Variants in SLC4A4 observed in about 807,000 individuals in gnomAD.
SLC4A4 encodes the protein electrogenic sodium bicarbonate cotransporter 1.
In SLC4A4, 27 loss-of-function variants were observed where a neutral mutation model predicts 111.5. The ratio of observed to expected loss-of-function variants is 0.24; its 90% CI spans 0.18 to 0.33. SLC4A4 has a LOEUF of 0.33. Among genes scored for constraint, SLC4A4 ranks in the 10% least tolerant of loss-of-function variants. The probability of loss-of-function intolerance (pLI) is 1.00; values close to 1 mark genes in which losing one functional copy is unlikely to be tolerated. For synonymous variants in SLC4A4, 443 were observed against 463.4 expected, an observed-to-expected ratio of 0.96 and a Z score of 0.57; for missense variants, 909 against 1,315.5, an observed-to-expected ratio of 0.69 and a Z score of 4.78.
At chr4:71,533,820 C>T (rs933823161) in intron 17 of SLC4A4, among the ~76,000 whole-genome samples, 5 of 152,016 alleles carry the variant, frequency 3.3e-5, no homozygotes, top group African/African-American at 9.7e-5. Context: ...TTCTTGCTAC[C>T]TTTTTACTGA....
At chr4:71,324,827 C>G (rs993540627) in intron 3 of SLC4A4, among the ~76,000 whole-genome samples, 1 of 151,914 alleles carries the variant, frequency 6.6e-6, no homozygotes, top group Non-Finnish European at 1.5e-5. Flanking sequence ...TGAGTAAACT[C>G]TAGTTTTTAT....
chr4:71,178,737 A>G (rs1745181396), intron 2 of SLC4A4, among the ~76,000 whole-genome samples: 1 of 152,220 alleles, frequency 6.6e-6, no homozygotes, highest in South Asian at 2.1e-4. Context: ...AAAAAAGTCC[A>G]GGACCAGATG....
chr4:71,364,213 G>A (rs181300460), intron 6 of SLC4A4, among the ~76,000 whole-genome samples: 239 of 152,196 alleles, frequency 1.6e-3, no homozygotes, highest in Middle Eastern at 6.8e-3. Context: ...ATTTCCAGAG[G>A]TTTCATTCAA....
At chr4:71,096,864 A>G (rs1399030417) in intron 2 of SLC4A4, among the ~76,000 whole-genome samples, 8 of 152,192 alleles carry the variant, frequency 5.3e-5, no homozygotes, top group Non-Finnish European at 7.3e-5. Flanking sequence ...ATAAATTGCA[A>G]TGGAAATCAT....
chr4:71,493,788 CA>C (rs34932007), intron 15 of SLC4A4, among the ~76,000 whole-genome samples: 15,133 of 151,776 alleles, frequency 0.1, 1,407 homozygotes, highest in East Asian at 0.43. Context: ...ATAAACACCT[CA>C]AAAGTTTTTG....
At chr4:71,496,550 A>G (rs1279730688) in intron 15 of SLC4A4, among the ~76,000 whole-genome samples, 3 of 152,016 alleles carry the variant, frequency 2.0e-5, no homozygotes, top group African/African-American at 4.8e-5. Flanking sequence ...AGGGCACTAC[A>G]TTGCAGGTGA....
At chr4:71,175,269 C>T (rs141722111) in intron 2 of SLC4A4, among the ~76,000 whole-genome samples, 37 of 152,316 alleles carry the variant, frequency 2.4e-4, no homozygotes, top group Middle Eastern at 3.4e-3. Context: ...GCATGAGTGA[C>T]GCAGAAGACG....
chr4:71,206,186 T>C (rs979744270), intron 1 of SLC4A4, among the ~76,000 whole-genome samples: 8 of 152,188 alleles, frequency 5.3e-5, no homozygotes, highest in Non-Finnish European at 1.5e-5. Context: ...AAGATCATGA[T>C]TATAACTCAT....
intron 1 of SLC4A4, among the ~76,000 whole-genome samples, chr4:71,063,409 C>A (rs745445609): frequency 6.6e-6 from 1 of 152,026 alleles, no homozygotes; most frequent in African/African-American, 2.4e-5. Flanking sequence ...TTCTAGCTTC[C>A]TTCACTAACT....
At chr4:71,110,320 T>A (rs1743052743) in intron 2 of SLC4A4, among the ~76,000 whole-genome samples, 2 of 152,232 alleles carry the variant, frequency 1.3e-5, no homozygotes, top group Admixed American at 6.5e-5. Flanking sequence ...GCTCAAGAGA[T>A]CTTCCCACCT....
intron 18 of SLC4A4, among the ~76,000 whole-genome samples, chr4:71,536,822 G>T (rs1477804147): frequency 6.6e-6 from 1 of 151,422 alleles, no homozygotes; most frequent in Non-Finnish European, 1.5e-5. Flanking sequence ...TGTCTTCTGT[G>T]CTTCCTTTAA....
intron 14 of SLC4A4, among the ~76,000 whole-genome samples, chr4:71,483,362 C>G (rs1013545180): frequency 2.0e-5 from 3 of 151,850 alleles, no homozygotes; most frequent in African/African-American, 7.3e-5. Flanking sequence ...GTGTGTTGTT[C>G]TCCTTTATGT....
intron 4 of SLC4A4, among the ~76,000 whole-genome samples, chr4:71,347,570 G>A (rs1167908591): frequency 2.0e-5 from 3 of 152,046 alleles, no homozygotes; most frequent in Admixed American, 6.6e-5. Context: ...CTCCCAAAGG[G>A]CCCATCTCCT....
chr4:71,079,601 C>A (rs1040579723), intron 1 of SLC4A4, among the ~76,000 whole-genome samples: 1 of 151,950 alleles, frequency 6.6e-6, no homozygotes, highest in East Asian at 1.9e-4. Flanking sequence ...CATAGCAAGA[C>A]CCTATCTCTC....
Position 71,440,773 on chromosome 4 carries a change from G to A in SLC4A4, c.965G>A (p.Arg322Lys). The stretch of plus-strand genomic sequence containing the variant: ...CTGACTGAAGTTCCTGTGCCCACAA[G>A]GTAAGCTGCTCTCCTACCTGGGGTC... ...GALTEVPVPT[R>K]FLFILLGPKG... The change falls in exon 8 of 26, where the codon AGG (arginine) becomes AAG (lysine). Residue 322 changes from arginine to lysine, a missense_variant and splice_region_variant. By Grantham distance (26) the Arg-to-Lys change is conservative. This residue lies in a region of SLC4A4 where 312 missense variants were observed against 402.0 expected (regional missense o/e 0.78). Coordinates refer to ENST00000264485, the MANE Select transcript of SLC4A4 (RefSeq NM_001098484.3). The A allele has an allele frequency of 1.9e-6, 3 of 1,614,044 alleles. No homozygotes were observed. The highest frequency in any genetic ancestry group is 2.5e-6 in the Non-Finnish European group (3 of 1,179,996).
At chr4:71,092,204 G>A (rs1177690444) in intron 1 of SLC4A4, among the ~76,000 whole-genome samples, 1 of 152,102 alleles carries the variant, frequency 6.6e-6, no homozygotes, top group Non-Finnish European at 1.5e-5. Context: ...TGTTCAGTAA[G>A]GATCACTGGA....
At chr4:71,534,175 A>G (rs1471936652) in intron 17 of SLC4A4, 52 bp from the exon 18 acceptor site, 16 of 1,545,728 alleles carry the variant, frequency 1.0e-5, no homozygotes, top group Non-Finnish European at 1.3e-5. Context: ...TTCACCAAAT[A>G]GTATATATTA....
chr4:71,092,848 G>A (rs915736169), intron 2 of SLC4A4, among the ~76,000 whole-genome samples: 7 of 152,172 alleles, frequency 4.6e-5, no homozygotes, highest in African/African-American at 1.4e-4. Flanking sequence ...TGTAATCCCA[G>A]CACTTTGGGA....
chr4:71,207,919 C>A (rs993339995), intron 1 of SLC4A4, among the ~76,000 whole-genome samples: 16 of 152,138 alleles, frequency 1.1e-4, no homozygotes, highest in Admixed American at 1.0e-3. Flanking sequence ...CTCACGTGAT[C>A]CTCCCACCTC....
Sources: gnomAD v4.1 joint callset for allele counts (sites outside exome capture counted in the v4.1 genomes callset) on GRCh38, gnomAD v4.1.1 for gene constraint, gnomAD v4.1.1 regional missense constraint, MANE v1.5 for transcripts, NCBI Gene and HGNC (gene_info 2026-07-23, HGNC 2026-07-21) for gene names.